Variants in GRIA1 observed in about 807,000 individuals in gnomAD.
GRIA1 encodes the protein glutamate receptor 1.
In GRIA1, 31 loss-of-function variants were observed where a neutral mutation model predicts 99.2. The ratio of observed to expected loss-of-function variants is 0.31; its 90% CI spans 0.23 to 0.42. GRIA1 has a LOEUF of 0.42. Ranked by LOEUF, GRIA1 falls within the 10% of genes least tolerant of loss-of-function variation. GRIA1 has a pLI of 1.00. For missense variants in GRIA1, 782 were observed against 1,157.5 expected, an observed-to-expected ratio of 0.68 and a Z score of 4.71; for synonymous variants, 438 against 432.4, an observed-to-expected ratio of 1.01 and a Z score of -0.16.
intron 13 of GRIA1, among the ~76,000 whole-genome samples, chr5:153,776,555 C>G (rs568973435): frequency 6.6e-6 from 1 of 152,212 alleles, no homozygotes; most frequent in African/African-American, 2.4e-5. Flanking sequence ...TACTTACTCC[C>G]TGCTGCATTG....
At chr5:153,606,369 T>C (rs989942299) in intron 2 of GRIA1, among the ~76,000 whole-genome samples, 2 of 152,092 alleles carry the variant, frequency 1.3e-5, no homozygotes, top group African/African-American at 4.8e-5. Flanking sequence ...TTCAAAATTG[T>C]TTTGGCTATT....
At chr5:153,751,784 T>G (rs1240642160) in intron 11 of GRIA1, among the ~76,000 whole-genome samples, 1 of 152,212 alleles carries the variant, frequency 6.6e-6, no homozygotes, top group Non-Finnish European at 1.5e-5. Flanking sequence ...TCCGTTAGCA[T>G]CAAGTTATGC....
chr5:153,691,964 G>A (rs1312456510), intron 8 of GRIA1, among the ~76,000 whole-genome samples: 12 of 152,146 alleles, frequency 7.9e-5, no homozygotes, highest in Admixed American at 7.9e-4. Context: ...ATGGCCCTCA[G>A]AGCCCTCAAT....
chr5:153,656,287 T>G (rs1197022923), intron 5 of GRIA1, among the ~76,000 whole-genome samples: 2 of 151,520 alleles, frequency 1.3e-5, no homozygotes, highest in Non-Finnish European at 2.9e-5. Context: ...TACACTAGTA[T>G]TGACAAAATT....
chr5:153,664,840 A>G lies in GRIA1; in HGVS notation c.699+8968A>G, dbSNP rs918735721. 1.4e-4 allele frequency among the ~76,000 whole-genome samples: 21 copies of G among 152,306 alleles called. 1 individual carries two copies. Among genetic ancestry groups the G allele is most frequent in the South Asian group, 4.1e-4 (2 of 4,820 alleles). ...CATTCTTCTTTTTATCAAACATTCA[A>G]TGGGCACCTACTATATGGGAGGCCT... On this transcript the variant is annotated intron_variant, in intron 5 of 15. Transcript: ENST00000285900.
intron 2 of GRIA1, among the ~76,000 whole-genome samples, chr5:153,620,057 G>T (rs901363636): frequency 3.9e-5 from 6 of 152,188 alleles, no homozygotes; most frequent in African/African-American, 1.4e-4. Flanking sequence ...GACACACCAT[G>T]AAATGTATAC....
intron 2 of GRIA1, chr5:153,525,588 A>G (rs1201150045): frequency 1.3e-5 from 2 of 151,700 alleles, no homozygotes; most frequent in Admixed American, 6.6e-5. Context: ...TCCCTCTGCT[A>G]TTTCATTGTG....
At position 153,577,109 on chromosome 5, in the gene GRIA1, G is replaced by A. The variant is rs1029827002; in HGVS notation, c.221-69819G>A. ...GGATGAATGGATGGATGGATGGATG[G>A]ATAAGTGGGTAGATGAATGGGTGGA... On this transcript the variant is annotated intron_variant, in intron 2 of 15. Coordinates refer to ENST00000285900, the MANE Select transcript of GRIA1 (RefSeq NM_000827.4). 1.4e-5 allele frequency among the ~76,000 whole-genome samples: 2 copies of A among 145,858 alleles called. 1 individual carries two copies. The highest frequency in any genetic ancestry group is 3.0e-5 in the Non-Finnish European group (2 of 66,104).
At chr5:153,709,091 A>G (rs1437858112) in intron 11 of GRIA1, among the ~76,000 whole-genome samples, 4 of 152,374 alleles carry the variant, frequency 2.6e-5, no homozygotes, top group Admixed American at 2.6e-4. Flanking sequence ...TGCTAAGACA[A>G]TGATCAAAGT....
At chr5:153,616,296 G>A (rs562177009) in intron 2 of GRIA1, among the ~76,000 whole-genome samples, 138 of 152,104 alleles carry the variant, frequency 9.1e-4, no homozygotes, top group Non-Finnish European at 1.6e-3. Flanking sequence ...TTTAGAATCC[G>A]GTGTGTTTCC....
chr5:153,713,003 G>A (rs558418294), intron 11 of GRIA1, among the ~76,000 whole-genome samples: 2 of 152,302 alleles, frequency 1.3e-5, no homozygotes, highest in Non-Finnish European at 2.9e-5. Context: ...TTGAACTAGG[G>A]TGCTGCCCAG....
At chr5:153,492,259 T>C in intron 1 of GRIA1, 3 of 1,535,496 alleles carry the variant, frequency 2.0e-6, no homozygotes, top group Non-Finnish European at 2.6e-6. Context: ...GGAGTGGCCA[T>C]GGAGTAACTT....
At chr5:153,696,166 A>T (rs1435985868) in intron 8 of GRIA1, among the ~76,000 whole-genome samples, 1 of 152,216 alleles carries the variant, frequency 6.6e-6, no homozygotes, top group Non-Finnish European at 1.5e-5. Context: ...GCCTTGGGAA[A>T]GTTACTTCAC....
At chr5:153,742,460 C>A (rs1022635303) in intron 11 of GRIA1, among the ~76,000 whole-genome samples, 2 of 152,200 alleles carry the variant, frequency 1.3e-5, no homozygotes, top group African/African-American at 4.8e-5. Flanking sequence ...TATTATCTTA[C>A]AGTTCTGTAG....
At chr5:153,709,703 GA>G (rs1409949335) in intron 11 of GRIA1, among the ~76,000 whole-genome samples, 2 of 152,050 alleles carry the variant, frequency 1.3e-5, no homozygotes, top group African/African-American at 4.8e-5. Context: ...CAGCATGAAG[GA>G]AAAAAAGTGT....
chr5:153,541,319 G>A (rs1445999951), intron 2 of GRIA1, among the ~76,000 whole-genome samples: 1 of 152,108 alleles, frequency 6.6e-6, no homozygotes, highest in African/African-American at 2.4e-5. Context: ...TCATTCCCAA[G>A]ATTAACTTTC....
chr5:153,773,502 T>A lies in GRIA1; in HGVS notation c.2270+3087T>A, dbSNP rs902437911. On this transcript the variant is annotated intron_variant, in intron 13 of 15. Transcript: ENST00000285900. Reference sequence around the variant, plus strand: ...GAAGGCAAAAGGTGATAATGGACACTGACTTTAACACACCCAGCACCATTC... The same window carrying A: ...GAAGGCAAAAGGTGATAATGGACACAGACTTTAACACACCCAGCACCATTC... Among the ~76,000 whole-genome samples, 4 of 152,208 alleles carry A rather than the reference T, an allele frequency of 2.6e-5. No homozygotes were observed. In the South Asian group the frequency reaches 8.3e-4, roughly 32 times the overall value.
intron 6 of GRIA1, among the ~76,000 whole-genome samples, chr5:153,676,667 A>T (rs887221871): frequency 6.6e-6 from 1 of 152,166 alleles, no homozygotes; most frequent in African/African-American, 2.4e-5. Context: ...TTCCCAAATG[A>T]ACCAACATTT....
At chr5:153,511,523 G>A (rs1281670558) in intron 2 of GRIA1, among the ~76,000 whole-genome samples, 1 of 152,160 alleles carries the variant, frequency 6.6e-6, no homozygotes, top group Non-Finnish European at 1.5e-5. Context: ...AACTCAAGGT[G>A]CAACAGTTAC....
Sources: allele counts gnomAD v4.1 joint callset (sites outside exome capture counted in the v4.1 genomes callset), GRCh38; gene constraint gnomAD v4.1.1; transcripts MANE v1.5; gene names NCBI Gene and HGNC (gene_info 2026-07-23, HGNC 2026-07-21).